Variants in PKHD1 observed in about 807,000 individuals in gnomAD.
The protein encoded by PKHD1 is PKHD1 ciliary IPT domain containing fibrocystin/polyductin.
In PKHD1, 291 loss-of-function variants were observed where a neutral mutation model predicts 412.0. That is an observed-to-expected ratio of 0.71 (90% CI 0.64 to 0.78). PKHD1 has a LOEUF of 0.78. Ranked by LOEUF, PKHD1 falls within the 30% of genes least tolerant of loss-of-function variation. PKHD1 has a pLI of 0.00. For synonymous variants in PKHD1, 1,777 were observed against 1,821.5 expected (o/e 0.98, Z 0.62); for missense variants, 4,825 against 4,950.7 (o/e 0.97, Z 0.76).
At chr6:51,749,275 A>G (rs569758662) in intron 57 of PKHD1, among the ~76,000 whole-genome samples, 6 of 152,276 alleles carry the variant, frequency 3.9e-5, no homozygotes, top group Non-Finnish European at 8.8e-5. Flanking sequence ...AATGTTTTCT[A>G]TATTTTTATC....
chr6:52,052,989 C>T (rs533999465), intron 21 of PKHD1, 87 bp downstream of exon 21: 378 of 1,249,976 alleles, frequency 3.0e-4, no homozygotes, highest in Non-Finnish European at 4.0e-4. Context: ...CTGTTCTCTC[C>T]TCATTAAAAA....
intron 36 of PKHD1, 47 bp from the exon 37 acceptor site, chr6:51,934,369 A>C: frequency 3.4e-6 from 4 of 1,192,594 alleles, no homozygotes; most frequent in Non-Finnish European, 5.0e-6. Flanking sequence ...GATAAGGCTT[A>C]CCGTTTTGTC....
chr6:51,976,281 A>G (rs1378764671), intron 35 of PKHD1, among the ~76,000 whole-genome samples: 3 of 152,252 alleles, frequency 2.0e-5, no homozygotes, highest in African/African-American at 7.2e-5. Context: ...AATGTGATAT[A>G]TACATTCAAT....
chr6:51,800,130 G>C (rs895262000), intron 52 of PKHD1, among the ~76,000 whole-genome samples: 1 of 152,140 alleles, frequency 6.6e-6, no homozygotes, highest in Admixed American at 6.6e-5. Flanking sequence ...TCCCCCCAAA[G>C]GGGCTCAGGA....
chr6:51,872,462 G>A lies in PKHD1; in HGVS notation c.7351-1823C>T, dbSNP rs146697119. ...CTCACTCTGTTGCACAGTCTGCAGT[G>A]CAGTGGCATGATCTCGGCTCACTGC... is the stretch of plus-strand genomic sequence containing the variant. On this transcript the variant is annotated intron_variant, in intron 46 of 66. Transcript: ENST00000371117. Among the ~76,000 whole-genome samples, 360 of 151,912 alleles carry A rather than the reference G, an allele frequency of 2.4e-3. 1 individual carries two copies. Among genetic ancestry groups the A allele is most frequent in the African/African-American group, 8.3e-3 (344 of 41,448 alleles).
intron 60 of PKHD1, among the ~76,000 whole-genome samples, chr6:51,682,871 T>G (rs1016893043): frequency 8.5e-5 from 13 of 152,058 alleles, no homozygotes; most frequent in Non-Finnish European, 1.9e-4. Context: ...TGCACCTCAG[T>G]TTCCTTATTA....
chr6:51,652,224 G>C (rs986715102), intron 61 of PKHD1, among the ~76,000 whole-genome samples: 17 of 151,864 alleles, frequency 1.1e-4, no homozygotes, highest in Admixed American at 1.1e-3. Context: ...CAGGCTATAG[G>C]AGAAAAGTCA....
At chr6:51,896,596 A>C (rs1358883219) in intron 43 of PKHD1, among the ~76,000 whole-genome samples, 4 of 152,036 alleles carry the variant, frequency 2.6e-5, no homozygotes, top group African/African-American at 4.8e-5. Context: ...AAACTCTAAA[A>C]AGCAGAGCAC....
intron 35 of PKHD1, among the ~76,000 whole-genome samples, chr6:51,979,854 A>T (rs990166467): frequency 1.3e-5 from 2 of 152,078 alleles, no homozygotes; most frequent in Admixed American, 1.3e-4. Flanking sequence ...TTCTCTCCTG[A>T]GCAGTCCAGT....
At chr6:51,689,894 A>G (rs549592637) in intron 60 of PKHD1, among the ~76,000 whole-genome samples, 2 of 152,364 alleles carry the variant, frequency 1.3e-5, no homozygotes, top group East Asian at 1.9e-4. Context: ...GAAAGAATCA[A>G]TATTGTTAAT....
intron 27 of PKHD1, among the ~76,000 whole-genome samples, chr6:52,038,107 C>T (rs1010660333): frequency 5.3e-5 from 8 of 152,100 alleles, no homozygotes; most frequent in Admixed American, 1.3e-4. Context: ...TTGGGCCAGG[C>T]GCAGTGGCTC....
intron 36 of PKHD1, among the ~76,000 whole-genome samples, chr6:51,958,162 G>C (rs1008950867): frequency 4.6e-5 from 7 of 151,952 alleles, no homozygotes; most frequent in African/African-American, 1.5e-4. Context: ...AACAACTCCT[G>C]TATCTTATTC....
intron 7 of PKHD1, among the ~76,000 whole-genome samples, chr6:52,072,548 A>G (rs1810773641): frequency 6.6e-6 from 1 of 152,208 alleles, no homozygotes; most frequent in Non-Finnish European, 1.5e-5. Context: ...ACCTAGCAAA[A>G]TATGGCACAT....
chr6:51,718,278 C>A (rs868371101), intron 60 of PKHD1, among the ~76,000 whole-genome samples: 2 of 152,204 alleles, frequency 1.3e-5, no homozygotes, highest in African/African-American at 4.8e-5. Context: ...GTCTTACTTT[C>A]TCTCTCTGAC....
intron 35 of PKHD1, among the ~76,000 whole-genome samples, chr6:51,962,274 C>T (rs1266008543): frequency 1.3e-5 from 2 of 152,112 alleles, no homozygotes; most frequent in Admixed American, 6.5e-5. Context: ...GCTCATTACA[C>T]ACACAGTAAA....
At chr6:51,877,350 C>A (rs1344224285) in intron 46 of PKHD1, among the ~76,000 whole-genome samples, 1 of 57,246 alleles carries the variant, frequency 1.7e-5, no homozygotes, top group Non-Finnish European at 2.9e-5. Flanking sequence ...CCAAAATTGA[C>A]CACATAGTTG....
chr6:51,663,869 T>G (rs1297639589), intron 60 of PKHD1, among the ~76,000 whole-genome samples: 1 of 152,182 alleles, frequency 6.6e-6, no homozygotes, highest in East Asian at 1.9e-4. Context: ...CTGACTATAC[T>G]TTTATAAATT....
chr6:51,639,171 C>A (rs576351832), intron 63 of PKHD1, among the ~76,000 whole-genome samples: 102 of 152,172 alleles, frequency 6.7e-4, no homozygotes, highest in Middle Eastern at 6.8e-3. Flanking sequence ...TCCACTATGC[C>A]AGACACTGTT....
At chr6:52,002,826 T>C (rs1798604061) in intron 35 of PKHD1, among the ~76,000 whole-genome samples, 1 of 152,206 alleles carries the variant, frequency 6.6e-6, no homozygotes, top group South Asian at 2.1e-4. Flanking sequence ...ATGTATATTA[T>C]AAAGAAAATA....
Sources: gnomAD v4.1 joint callset for allele counts (sites outside exome capture counted in the v4.1 genomes callset) on GRCh38, gnomAD v4.1.1 for gene constraint, MANE v1.5 for transcripts, NCBI Gene and HGNC (gene_info 2026-07-23, HGNC 2026-07-21) for gene names.